CCDC88B: variants seen among roughly 807,000 people sequenced by gnomAD.
CCDC88B encodes coiled-coil domain-containing protein 88B.
A neutral mutation model predicts 183.7 loss-of-function variants in CCDC88B; 138 were observed. The observed-to-expected ratio is 0.75, with a 90% CI of 0.65 to 0.87. CCDC88B has a LOEUF of 0.87. Among genes scored for constraint, CCDC88B ranks in the 40% least tolerant of loss-of-function variants. CCDC88B has a pLI of 0.00. For missense variants in CCDC88B, 1,822 were observed against 1,965.6 expected (o/e 0.93, Z 1.38); for synonymous variants, 835 against 867.5 (o/e 0.96, Z 0.66).
At chr11:64,343,664 CAGCAGTG>C in intron 12 of CCDC88B, 49 bp downstream of exon 12, 1 of 1,547,478 alleles carries the variant, frequency 6.5e-7, no homozygotes. Context: ...CTATGCTTTC[CAGCAGTG>C]TACTGGGGAG....
chr11:64,356,738 AGGAGCTCAGGAGCTCTGG>A (rs2036559050), intron 26 of CCDC88B: 1 of 452,994 alleles, frequency 2.2e-6, no homozygotes, highest in Non-Finnish European at 3.9e-6. Flanking sequence ...GGGAGGGGTC[AGGAGCTCAGGAGCTCTGG>A]GCAGGCTGGT....
chr11:64,349,717 ATCCCATG>A, intron 16 of CCDC88B, 49 bp downstream of exon 16: 1 of 1,508,584 alleles, frequency 6.6e-7, no homozygotes, highest in Admixed American at 1.9e-5. Context: ...CCTGCCCTCC[ATCCCATG>A]AGCAGATGCC....
rs2036321126 is a variant in CCDC88B, at chr11:64,351,333, G to T, written c.2958+78G>T. ...GTGGGTCCACGGTGGACCCTGGGCTGGGGGGTATCCCGTGCAGTGTGAGTG... is the reference window on the plus strand; with the variant it reads ...GTGGGTCCACGGTGGACCCTGGGCTTGGGGGTATCCCGTGCAGTGTGAGTG... On this transcript the variant is annotated intron_variant, in intron 17 of 26. Transcript: ENST00000356786. The T allele has an allele frequency of 2.0e-6, 3 of 1,495,296 alleles. No homozygotes were observed. The African/African-American group carries it at 4.2e-5, about 21-fold the overall frequency. The allele number at this position is 1,495,296 out of a possible 1,614,324, so 92.6% of individuals were successfully genotyped here.
Position 64,349,588 on chromosome 11 carries a change from C to T in CCDC88B, c.2782C>T (p.Gln928Ter), listed in dbSNP as rs1249653787. ...GGAGCAGCGGCTGGAAGCTGAGCTGCAGGCGGCGGCGACCAGCAAGGAGGA... is the reference window on the plus strand; with the variant it reads ...GGAGCAGCGGCTGGAAGCTGAGCTGTAGGCGGCGGCGACCAGCAAGGAGGA... ...GLEQRLEAELQAAATSKEEAL... is the reference protein window; with the variant it reads ...GLEQRLEAEL Residue 928 changes from glutamine to a stop codon, truncating the protein, a stop_gained, in exon 16 of 27, where the codon CAG (glutamine) becomes TAG (stop). Transcript: ENST00000356786. LOFTEE classifies it high-confidence loss of function. 1.9e-6 allele frequency: 3 copies of T among 1,600,960 alleles called. No homozygotes were observed. Among genetic ancestry groups the T allele is most frequent in the African/African-American group, 1.3e-5 (1 of 74,914 alleles).
At chr11:64,347,906 C>T (rs375927952) in intron 14 of CCDC88B, among the ~76,000 whole-genome samples, 3 of 151,848 alleles carry the variant, frequency 2.0e-5, no homozygotes, top group Non-Finnish European at 2.9e-5. Context: ...CAAAATTAGT[C>T]GGGTGTGGTG....
chr11:64,355,753 G>A lies in CCDC88B; in HGVS notation c.4375+125G>A, dbSNP rs937139888. ...CCAAGTGCCAGGTGACGTGCTGGCAGGGGACACAGCAGGGAACGTTCTGGT... is the reference window on the plus strand; with the variant it reads ...CCAAGTGCCAGGTGACGTGCTGGCAAGGGACACAGCAGGGAACGTTCTGGT... On this transcript the variant is annotated intron_variant, in intron 26 of 26. Transcript: ENST00000356786. 11 of 908,132 alleles carry A rather than the reference G, an allele frequency of 1.2e-5. No homozygotes were observed. In the African/African-American group the frequency reaches 1.5e-4, roughly 13 times the overall value. The allele number at this position is 908,132 out of a possible 1,614,324, so 56.3% of individuals were successfully genotyped here. A position where few individuals can be genotyped will look rare whatever the true frequency, so the allele number is the denominator to read the frequency against.
chr11:64,349,341 A>C lies in CCDC88B; in HGVS notation c.2627A>C (p.Lys876Thr), dbSNP rs1331381243. The change falls in exon 15 of 27, where the codon AAA (lysine) becomes ACA (threonine). Residue 876 changes from lysine to threonine, a missense_variant. Coordinates refer to ENST00000356786, the MANE Select transcript of CCDC88B (RefSeq NM_032251.6). Reference protein sequence around the residue: ...EKEALQAELEKAVVRGKELGD... With the variant: ...EKEALQAELETAVVRGKELGD... ...TCTGCTTGCCCTCAGGAGCTGGAGA[A>C]AGCTGTGGTGCGGGGCAAGGAGTTG... 5 of 1,608,976 alleles carry C rather than the reference A, an allele frequency of 3.1e-6. No homozygotes were observed. Among genetic ancestry groups the C allele is most frequent in the Non-Finnish European group, 4.2e-6 (5 of 1,178,236 alleles).
chr11:64,350,400 G>C (rs996047626), intron 16 of CCDC88B: 1 of 151,898 alleles, frequency 6.6e-6, no homozygotes, highest in African/African-American at 2.4e-5. Context: ...CGGGCGTGGT[G>C]GCTCACGCCT....
chr11:64,342,309 G>C lies in CCDC88B; in HGVS notation c.837G>C (p.Glu279Asp). The change falls in exon 9 of 27, where the codon GAG (glutamate) becomes GAC (aspartate). Residue 279 changes from glutamate to aspartate, a missense_variant. Transcript: ENST00000356786. ...TTCCCTCCAGGGAGGAGAAGGCCGA[G>C]CTGCTGCTAGACTCCCAGGCCGAGG... ...RLRQELEEKA[E>D]LLLDSQAEVQ... 6 of 1,591,720 alleles carry C rather than the reference G, an allele frequency of 3.8e-6. No homozygotes were observed. The highest frequency in any genetic ancestry group is 5.1e-6 in the Non-Finnish European group (6 of 1,169,706).
intron 2 of CCDC88B, 35 bp from the exon 3 acceptor site, chr11:64,340,872 G>C: frequency 6.5e-7 from 1 of 1,536,286 alleles, no homozygotes; most frequent in African/African-American, 1.4e-5. Flanking sequence ...CCTGTTGACG[G>C]GAGGCGGGTC....
rs375985057 is a variant in CCDC88B at position 64,355,370 on chromosome 11, C to T, written c.4276C>T (p.Pro1426Ser). 38 of 1,590,714 alleles carry T rather than the reference C, an allele frequency of 2.4e-5. No homozygotes were observed. The highest frequency in any genetic ancestry group is 3.3e-5 in the Non-Finnish European group (38 of 1,169,048). Residue 1426 changes from proline to serine, a missense_variant, in exon 25 of 27, where the codon CCC becomes TCC. Pro to Ser is a moderately conservative substitution (Grantham distance 74). Coordinates refer to ENST00000356786, the MANE Select transcript of CCDC88B (RefSeq NM_032251.6). ...RQRFRQRHPG[P>S]LGAPVSHSKG... Reference sequence around the variant, plus strand: ...ACGATTCCGACAGCGCCATCCAGGCCCCCTGGGGGCGCCCGTCTCCCACAG... The same window carrying T: ...ACGATTCCGACAGCGCCATCCAGGCTCCCTGGGGGCGCCCGTCTCCCACAG...
chr11:64,351,738 T>TCATTTA, intron 18 of CCDC88B, 122 bp downstream of exon 18: 8 of 1,255,934 alleles, frequency 6.4e-6, no homozygotes, highest in Non-Finnish European at 8.6e-6. Context: ...TTCCCCAGTC[T>TCATTTA]CATTTATCCT....
In CCDC88B at chr11:64,355,216, G is replaced by GCGC. The variant is rs1213625718; in HGVS notation, c.4125_4127dup (p.Arg1376dup). ...CAGGGTCCCCTTCCCCGGCACCCAT[G>GCGC]CGCCGGGCCCAGAGCTCCCTCTGCC... On this transcript the variant is annotated inframe_insertion, in exon 25 of 27. Coordinates refer to ENST00000356786, the MANE Select transcript of CCDC88B (RefSeq NM_032251.6). 13 of 1,500,188 alleles carry GCGC rather than the reference G, an allele frequency of 8.7e-6. No homozygotes were observed. The highest frequency in any genetic ancestry group is 1.2e-5 in the Non-Finnish European group (13 of 1,127,466). The allele number at this position is 1,500,188 out of a possible 1,614,324, so 92.9% of individuals were successfully genotyped here.
rs762001351 is a variant in CCDC88B at position 64,353,755 on chromosome 11, G to T, written c.3874G>T (p.Val1292Leu). 12 of 1,614,122 alleles carry T rather than the reference G, an allele frequency of 7.4e-6. No homozygotes were observed. Among genetic ancestry groups the T allele is most frequent in the Non-Finnish European group, 1.0e-5 (12 of 1,179,988 alleles). ...NALRREKQKLVEKIMDQYRVL... is the reference protein window; with the variant it reads ...NALRREKQKLLEKIMDQYRVL... ...CCTGCGCCGCGAGAAGCAGAAGCTC[G>T]TGGAGAAGATCATGGACCAATACCG... is the stretch of plus-strand genomic sequence containing the variant. Residue 1292 changes from valine (V) to leucine (L), a missense_variant, in exon 23 of 27, where the codon GTG (valine) becomes TTG (leucine). Val to Leu is a conservative substitution (Grantham distance 32). Transcript: ENST00000356786.
chr11:64,340,493 G>A (rs892845278), intron 1 of CCDC88B, 114 bp from the exon 2 acceptor site: 3 of 1,476,620 alleles, frequency 2.0e-6, no homozygotes, highest in Non-Finnish European at 2.7e-6. Flanking sequence ...GAGGGAAGAG[G>A]GGACAGAGGC....
At chr11:64,352,704 A>G in intron 19 of CCDC88B, 40 bp from the exon 20 acceptor site, 1 of 1,612,502 alleles carries the variant, frequency 6.2e-7, no homozygotes, top group South Asian at 1.1e-5. Context: ...TGTGGTGGCC[A>G]TAGGTTCACA....
Position 64,341,592 on chromosome 11 carries a change from G to A in CCDC88B, c.532-7G>A, listed in dbSNP as rs1356472095. ...GCTTCCACTGAACTGCTCTTCCTGC[G>A]CCCCAGGTGACCCAGCCGGGGGCCG... On this transcript the variant is annotated splice_polypyrimidine_tract_variant and splice_region_variant and intron_variant, in intron 6 of 26. Coordinates refer to ENST00000356786, the MANE Select transcript of CCDC88B (RefSeq NM_032251.6). 1 of 1,602,310 alleles carries A rather than the reference G, an allele frequency of 6.2e-7. No individual in the cohort carries two copies. Among genetic ancestry groups the A allele is most frequent in the Middle Eastern group, 1.7e-4 (1 of 5,988 alleles).
Position 64,355,376 on chromosome 11 carries a change from G to A in CCDC88B, c.4282G>A (p.Gly1428Arg). Residue 1428 changes from glycine to arginine, a missense_variant, in exon 25 of 27, where the codon GGG becomes AGG. Transcript: ENST00000356786. ...RFRQRHPGPL[G>R]APVSHSKGPG... ...CCGACAGCGCCATCCAGGCCCCCTG[G>A]GGGCGCCCGTCTCCCACAGCAAAGG... The A allele has an allele frequency of 6.3e-7, 1 of 1,590,870 alleles. No individual in the cohort carries two copies. The highest frequency in any genetic ancestry group is 2.3e-5 in the East Asian group (1 of 44,254).
At chr11:64,340,849 A>G in intron 2 of CCDC88B, 58 bp from the exon 3 acceptor site, 1 of 1,536,444 alleles carries the variant, frequency 6.5e-7, no homozygotes, top group Non-Finnish European at 8.8e-7. Context: ...GGCCTGAGGG[A>G]CGGTGGGCGA....
Sources: allele counts gnomAD v4.1 joint callset (sites outside exome capture counted in the v4.1 genomes callset), GRCh38; gene constraint gnomAD v4.1.1; transcripts MANE v1.5; gene names NCBI Gene and HGNC (gene_info 2026-07-23, HGNC 2026-07-21).